The following FAR2 variants were observed in gnomAD, a reference collection of about 807,000 sequenced individuals.
FAR2 encodes epididymis secretory protein Li 81.
Under a neutral mutation model 56.0 loss-of-function variants are expected in FAR2, and 19 were observed. The observed-to-expected ratio is 0.34, with a 90% CI of 0.24 to 0.50. FAR2 has a LOEUF of 0.50. FAR2 is among the 20% of genes least tolerant of loss of function. The pLI, the probability that FAR2 is intolerant of heterozygous loss-of-function variation, is 0.98. For synonymous variants in FAR2, 219 were observed against 218.8 expected (o/e 1.00, Z -0.01); for missense variants, 508 against 642.2 (o/e 0.79, Z 2.26).
At chr12:29,326,136 A>C (rs1471798819) in intron 10 of FAR2, among the ~76,000 whole-genome samples, 5 of 152,196 alleles carry the variant, frequency 3.3e-5, no homozygotes, top group Non-Finnish European at 7.4e-5. Context: ...CTATGCAAAT[A>C]AACTAGAAAA....
At chr12:29,213,785 C>T (rs183266263) in intron 1 of FAR2, among the ~76,000 whole-genome samples, 1 of 152,140 alleles carries the variant, frequency 6.6e-6, no homozygotes, top group Admixed American at 6.5e-5. Context: ...AAATGTGTGC[C>T]GCAGTCAACC....
At chr12:29,244,715 A>G (rs774720539) in intron 1 of FAR2, among the ~76,000 whole-genome samples, 5 of 152,244 alleles carry the variant, frequency 3.3e-5, no homozygotes, top group Non-Finnish European at 5.9e-5. Context: ...AGCATATGAT[A>G]TGAAATCGAT....
chr12:29,333,564 T>C, intron 11 of FAR2, 68 bp from the exon 12 acceptor site: 7 of 1,409,926 alleles, frequency 5.0e-6, no homozygotes, highest in Non-Finnish European at 6.9e-6. Flanking sequence ...AAAACACATA[T>C]TTATCTTCAG....
At chr12:29,191,258 T>C (rs1950100905) in intron 1 of FAR2, among the ~76,000 whole-genome samples, 2 of 152,258 alleles carry the variant, frequency 1.3e-5, no homozygotes, top group South Asian at 4.1e-4. Flanking sequence ...TCTCCAGTCC[T>C]GTCTGCATTT....
intron 2 of FAR2, among the ~76,000 whole-genome samples, chr12:29,275,373 A>G (rs555371072): frequency 2.0e-5 from 3 of 152,110 alleles, no homozygotes; most frequent in South Asian, 4.2e-4. Flanking sequence ...TTTGTGGTGG[A>G]ATGTCATCAG....
intron 1 of FAR2, among the ~76,000 whole-genome samples, chr12:29,214,503 C>T (rs1947595256): frequency 6.6e-6 from 1 of 152,056 alleles, no homozygotes; most frequent in Non-Finnish European, 1.5e-5. Flanking sequence ...GAACCTAGAA[C>T]ACAAGAACAT....
At chr12:29,158,159 C>T (rs1397394084) in intron 1 of FAR2, among the ~76,000 whole-genome samples, 1 of 152,094 alleles carries the variant, frequency 6.6e-6, no homozygotes, top group Non-Finnish European at 1.5e-5. Context: ...ATGAAACCAA[C>T]TTGATGTCAG....
rs763416880 is a variant in FAR2, at chr12:29,316,957, C to G, written c.1072C>G (p.Arg358Gly). 2 of 1,613,884 alleles carry G rather than the reference C, an allele frequency of 1.2e-6. No individual in the cohort carries two copies. Among genetic ancestry groups the G allele is most frequent in the Admixed American group, 1.7e-5 (1 of 59,980 alleles). The change falls in exon 9 of 12, where the codon CGG (arginine) becomes GGG (glycine). Residue 358 changes from arginine (R) to glycine (G), a missense_variant. Arg to Gly is a moderately radical substitution (Grantham distance 125). Transcript: ENST00000536681. ...TSQYWNAVSH[R>G]APAIIYDCYL... is the part of the protein sequence containing the mutation. ...ACAGTACTGGAATGCGGTCAGCCACCGGGCCCCTGCCATTATCTATGACTG... is the reference window on the plus strand; with the variant it reads ...ACAGTACTGGAATGCGGTCAGCCACGGGGCCCCTGCCATTATCTATGACTG...
At chr12:29,243,617 C>T (rs902517624) in intron 1 of FAR2, among the ~76,000 whole-genome samples, 3 of 152,060 alleles carry the variant, frequency 2.0e-5, no homozygotes, top group Non-Finnish European at 4.4e-5. Context: ...TGTGGAGAAG[C>T]TCAGGTTATG....
At chr12:29,287,766 A>G (rs1015242027) in intron 2 of FAR2, among the ~76,000 whole-genome samples, 1 of 152,194 alleles carries the variant, frequency 6.6e-6, no homozygotes, top group African/African-American at 2.4e-5. Flanking sequence ...ATTACCTTCA[A>G]TGAGCCCCAG....
At chr12:29,158,920 C>T (rs115802208) in intron 1 of FAR2, among the ~76,000 whole-genome samples, 528 of 152,314 alleles carry the variant, frequency 3.5e-3, no homozygotes, top group African/African-American at 0.012. Context: ...CTTATGACTG[C>T]AAATCCCATG....
chr12:29,226,589 A>T (rs1406823177), intron 1 of FAR2, among the ~76,000 whole-genome samples: 1 of 152,196 alleles, frequency 6.6e-6, no homozygotes, highest in African/African-American at 2.4e-5. Context: ...CCAAAATGAA[A>T]TTCTAATACA....
intron 10 of FAR2, among the ~76,000 whole-genome samples, chr12:29,326,674 G>C (rs530450511): frequency 3.9e-5 from 6 of 152,204 alleles, no homozygotes; most frequent in African/African-American, 1.4e-4. Context: ...TCAATAGACG[G>C]AGAAAAGGCC....
intron 1 of FAR2, among the ~76,000 whole-genome samples, chr12:29,181,939 A>G (rs1344951622): frequency 1.3e-5 from 2 of 152,234 alleles, no homozygotes; most frequent in Non-Finnish European, 1.5e-5. Flanking sequence ...GATAGAGGAT[A>G]GACAGATAGA....
chr12:29,189,601 G>A, intron 1 of FAR2, among the ~76,000 whole-genome samples: 1 of 152,012 alleles, frequency 6.6e-6, no homozygotes, highest in East Asian at 1.9e-4. Flanking sequence ...AGTTAACATA[G>A]CTAAGAAATG....
intron 10 of FAR2, among the ~76,000 whole-genome samples, chr12:29,331,280 G>A (rs2136830242): frequency 6.6e-6 from 1 of 151,426 alleles, no homozygotes; most frequent in Middle Eastern, 3.4e-3. Flanking sequence ...TGTCCAAGGA[G>A]AGAGAAGAGT....
intron 1 of FAR2, among the ~76,000 whole-genome samples, chr12:29,184,764 G>A (rs1402113950): frequency 1.3e-5 from 2 of 151,976 alleles, no homozygotes; most frequent in African/African-American, 2.4e-5. Context: ...CCCTAAAGAG[G>A]GAGTTTTTAA....
At chr12:29,226,666 G>T (rs1169780278) in intron 1 of FAR2, among the ~76,000 whole-genome samples, 1 of 152,084 alleles carries the variant, frequency 6.6e-6, no homozygotes, top group Non-Finnish European at 1.5e-5. Context: ...AGAGAGTTTA[G>T]ATATTTAATT....
chr12:29,200,373 A>C (rs1056549647), intron 1 of FAR2, among the ~76,000 whole-genome samples: 5 of 152,166 alleles, frequency 3.3e-5, no homozygotes, highest in African/African-American at 7.2e-5. Context: ...TGGTGTAGAA[A>C]CGAAGAGAAT....
Sources: gnomAD v4.1 joint callset for allele counts (sites outside exome capture counted in the v4.1 genomes callset) on GRCh38, gnomAD v4.1.1 for gene constraint, MANE v1.5 for transcripts, NCBI Gene and HGNC (gene_info 2026-07-23, HGNC 2026-07-21) for gene names.